TFG: variants seen among roughly 807,000 people sequenced by gnomAD.
The protein encoded by TFG is trafficking from ER to golgi regulator, also known as protein TFG.
A neutral mutation model predicts 51.4 loss-of-function variants in TFG; 22 were observed. That is an observed-to-expected ratio of 0.43 (90% CI 0.31 to 0.61). The LOEUF is 0.61. Ranked by LOEUF, TFG falls within the 20% of genes least tolerant of loss-of-function variation. The pLI, the probability that TFG is intolerant of heterozygous loss-of-function variation, is 0.12. For synonymous variants in TFG, 187 were observed against 165.6 expected (o/e 1.13, Z -0.99); for missense variants, 419 against 487.7 (o/e 0.86, Z 1.33).
chr3:100,728,592 T>C, intron 3 of TFG, 120 bp from the exon 4 acceptor site: 1 of 812,800 alleles, frequency 1.2e-6, no homozygotes, highest in Admixed American at 3.4e-5. Context: ...GTTACTCCAT[T>C]ACATTGATAT....
At chr3:100,735,915 G>A (rs1376035154) in intron 5 of TFG, among the ~76,000 whole-genome samples, 1 of 152,122 alleles carries the variant, frequency 6.6e-6, no homozygotes, top group Non-Finnish European at 1.5e-5. Flanking sequence ...GTCAGTATGA[G>A]TTAACAAAAG....
At chr3:100,737,929 T>A (rs2095111050) in intron 6 of TFG, among the ~76,000 whole-genome samples, 1 of 152,138 alleles carries the variant, frequency 6.6e-6, no homozygotes, top group South Asian at 2.1e-4. Flanking sequence ...TGCTATGGCA[T>A]GTGCCTATAG....
chr3:100,716,256 T>C (rs1370162096), intron 2 of TFG, among the ~76,000 whole-genome samples: 3 of 152,226 alleles, frequency 2.0e-5, no homozygotes, highest in Non-Finnish European at 4.4e-5. Flanking sequence ...TCTGTTCTGC[T>C]TTTTACTTGT....
At chr3:100,744,520 A>G (rs1274057136) in intron 6 of TFG, 2 of 211,018 alleles carry the variant, frequency 9.5e-6, no homozygotes, top group Non-Finnish European at 1.9e-5. Flanking sequence ...TTTAATGAAC[A>G]TTAGCGTTAC....
In TFG at chr3:100,736,588, C is replaced by T; in HGVS notation, c.593C>T (p.Ala198Val). Reference protein sequence around the residue: ...TDDQVSGPPSAPAEDRSGTPD... With the variant: ...TDDQVSGPPSVPAEDRSGTPD... ...TTTGACTATCCAGGGCCACCCAGTG[C>T]TCCTGCAGAAGATCGTTCAGGAACA... The change falls in exon 6 of 8, where the codon GCT becomes GTT. Residue 198 changes from alanine (A) to valine (V), a missense_variant. This residue lies in a region of TFG where 391 missense variants were observed against 434.4 expected (regional missense o/e 0.90). Coordinates refer to ENST00000240851, the MANE Select transcript of TFG (RefSeq NM_006070.6). 2 of 1,613,888 alleles carry T rather than the reference C, an allele frequency of 1.2e-6. No individual in the cohort carries two copies. Among genetic ancestry groups the T allele is most frequent in the South Asian group, 1.1e-5 (1 of 91,074 alleles).
intron 4 of TFG, among the ~76,000 whole-genome samples, chr3:100,729,686 G>A (rs2095086127): frequency 6.6e-6 from 1 of 152,038 alleles, no homozygotes; most frequent in African/African-American, 2.4e-5. Flanking sequence ...AGTCTAGACT[G>A]GATGACTGCA....
At chr3:100,738,641 C>G (rs561708150) in intron 6 of TFG, among the ~76,000 whole-genome samples, 1 of 152,250 alleles carries the variant, frequency 6.6e-6, no homozygotes, top group African/African-American at 2.4e-5. Flanking sequence ...TGTTTATATG[C>G]ATTTAATTTT....
intron 4 of TFG, among the ~76,000 whole-genome samples, chr3:100,729,492 A>G (rs1320024411): frequency 1.3e-5 from 2 of 152,214 alleles, no homozygotes; most frequent in Admixed American, 1.3e-4. Context: ...ATGTGGACTG[A>G]ACTTTAAGTA....
At chr3:100,720,247 A>G (rs1389213434) in intron 3 of TFG, among the ~76,000 whole-genome samples, 189 bp downstream of exon 3, 1 of 151,922 alleles carries the variant, frequency 6.6e-6, no homozygotes, top group Admixed American at 6.6e-5. Flanking sequence ...AAAATGATAG[A>G]AGTTTAATTC....
At chr3:100,733,811 G>A (rs932570577) in intron 5 of TFG, among the ~76,000 whole-genome samples, 6 of 152,158 alleles carry the variant, frequency 3.9e-5, no homozygotes, top group African/African-American at 1.2e-4. Context: ...AAACAGAAAA[G>A]CGCTCTCTAA....
At chr3:100,746,042 G>A (rs1321457701) in intron 7 of TFG, among the ~76,000 whole-genome samples, 1 of 152,176 alleles carries the variant, frequency 6.6e-6, no homozygotes, top group Non-Finnish European at 1.5e-5. Flanking sequence ...ATTTGCTGTA[G>A]AGTGACTTAA....
Position 100,748,550 on chromosome 3 carries a change from A to G in TFG, c.*19A>G, listed in dbSNP as rs1271558273. On this transcript the variant is annotated 3_prime_UTR_variant, in exon 8 of 8. Coordinates refer to ENST00000240851, the MANE Select transcript of TFG (RefSeq NM_006070.6). Reference sequence around the variant, plus strand: ...TCGATAAGGAGGCTCCTCTACACCAATTAATGTAGCTGCTAGCTATTGGCC... The same window carrying G: ...TCGATAAGGAGGCTCCTCTACACCAGTTAATGTAGCTGCTAGCTATTGGCC... The G allele has an allele frequency of 1.9e-6, 3 of 1,582,696 alleles. No individual in the cohort carries two copies. Among genetic ancestry groups the G allele is most frequent in the South Asian group, 1.1e-5 (1 of 87,770 alleles).
chr3:100,724,603 C>G (rs2095069802), intron 3 of TFG, among the ~76,000 whole-genome samples: 1 of 152,102 alleles, frequency 6.6e-6, no homozygotes, highest in Non-Finnish European at 1.5e-5. Context: ...TACACTAATT[C>G]ATTTTGTGGG....
intron 3 of TFG, among the ~76,000 whole-genome samples, chr3:100,723,993 A>G (rs1018360872): frequency 6.6e-5 from 10 of 152,172 alleles, no homozygotes; most frequent in African/African-American, 2.4e-4. Context: ...AAATTTCCCT[A>G]CTTTTGGAGA....
chr3:100,738,248 A>G (rs1331310798), intron 6 of TFG, among the ~76,000 whole-genome samples: 4 of 152,230 alleles, frequency 2.6e-5, no homozygotes, highest in African/African-American at 9.6e-5. Context: ...CCAAAATGCT[A>G]CTGCCAAAAC....
intron 3 of TFG, among the ~76,000 whole-genome samples, chr3:100,725,254 A>C (rs1196565615): frequency 6.6e-6 from 1 of 152,130 alleles, no homozygotes; most frequent in Admixed American, 6.5e-5. Flanking sequence ...ACGTAGAACA[A>C]CTGCTGTATG....
In TFG at chr3:100,728,629, G is replaced by T. The variant is rs570838774; in HGVS notation, c.269-83G>T. On this transcript the variant is annotated intron_variant, in intron 3 of 7. Coordinates refer to ENST00000240851, the MANE Select transcript of TFG (RefSeq NM_006070.6). ...TTGTTTTTGTTTTTTTAAAGGAATTGTATTTATTTTTCCTTGTTGCATATT... is the reference window on the plus strand; with the variant it reads ...TTGTTTTTGTTTTTTTAAAGGAATTTTATTTATTTTTCCTTGTTGCATATT... The T allele has an allele frequency of 1.2e-5, 14 of 1,149,160 alleles. No individual in the cohort carries two copies. In the Admixed American group the frequency reaches 1.4e-4, roughly 12 times the overall value. 71.2% of individuals were successfully genotyped at this position (1,149,160 alleles called of 1,614,324 possible).
chr3:100,744,238 G>C (rs2095129097), intron 6 of TFG: 2 of 152,174 alleles, frequency 1.3e-5, no homozygotes, highest in South Asian at 4.1e-4. Flanking sequence ...ATAGTGCAAT[G>C]AAGAACCATT....
chr3:100,738,634 T>C (rs761819172), intron 6 of TFG, among the ~76,000 whole-genome samples: 15 of 152,196 alleles, frequency 9.9e-5, no homozygotes, highest in Non-Finnish European at 1.6e-4. Context: ...TTAACACTGT[T>C]TATATGCATT....
Sources: gnomAD v4.1 joint callset for allele counts (sites outside exome capture counted in the v4.1 genomes callset) on GRCh38, gnomAD v4.1.1 for gene constraint, gnomAD v4.1.1 regional missense constraint, MANE v1.5 for transcripts, NCBI Gene and HGNC (gene_info 2026-07-23, HGNC 2026-07-21) for gene names.